Variants in SLC2A9 observed in about 807,000 individuals in gnomAD.
SLC2A9 encodes the protein solute carrier family 2 member 9, also known as solute carrier family 2, facilitated glucose transporter member 9.
SLC2A9 carries 39 observed loss-of-function variants against 50.6 expected under a neutral mutation model. That is an observed-to-expected ratio of 0.77 (90% CI 0.60 to 1.01). The LOEUF is 1.01. SLC2A9 is among the 50% of genes least tolerant of loss of function. The probability of loss-of-function intolerance (pLI) is 0.00; values close to 1 mark genes in which losing one functional copy is unlikely to be tolerated. For missense variants in SLC2A9, 686 were observed against 677.6 expected (o/e 1.01, Z -0.14); for synonymous variants, 324 against 276.9 (o/e 1.17, Z -1.69).
intron 10 of SLC2A9, among the ~76,000 whole-genome samples, chr4:9,835,392 AGCAT>A (rs1398825547): frequency 6.6e-5 from 10 of 152,116 alleles, no homozygotes; most frequent in African/African-American, 2.4e-4. Context: ...CCTAGGGCTC[AGCAT>A]GACTGCTGGG....
At chr4:9,925,877 T>A (rs537977745) in intron 6 of SLC2A9, among the ~76,000 whole-genome samples, 1 of 152,226 alleles carries the variant, frequency 6.6e-6, no homozygotes, top group South Asian at 2.1e-4. Flanking sequence ...ATCTGTTCGG[T>A]GTTCTCCCTA....
intron 8 of SLC2A9, 57 bp downstream of exon 8, chr4:9,908,178 C>A: frequency 6.0e-6 from 7 of 1,167,932 alleles, no homozygotes; most frequent in Non-Finnish European, 7.8e-6. Flanking sequence ...ATGAACATTC[C>A]CACTGTGCTG....
chr4:9,797,014 A>T (rs1004103220), downstream of SLC2A9, among the ~76,000 whole-genome samples: 1 of 152,186 alleles, frequency 6.6e-6, no homozygotes, highest in Non-Finnish European at 1.5e-5. Flanking sequence ...ATAATACAAT[A>T]CTATGATCTA....
At chr4:10,027,859 C>A (rs550849504) in intron 1 of SLC2A9, among the ~76,000 whole-genome samples, 2 of 152,290 alleles carry the variant, frequency 1.3e-5, no homozygotes, top group South Asian at 4.1e-4. Flanking sequence ...CATTCAAATT[C>A]TCCTCTTGTA....
chr4:10,001,826 C>T (rs59707854), intron 2 of SLC2A9, among the ~76,000 whole-genome samples: 4,699 of 152,324 alleles, frequency 0.031, 250 homozygotes, highest in African/African-American at 0.11. Flanking sequence ...GCATCAGAAG[C>T]CCTCTTCCCG....
downstream of SLC2A9, among the ~76,000 whole-genome samples, chr4:9,794,157 TGTG>T (rs1560122847): frequency 2.0e-5 from 3 of 150,008 alleles, no homozygotes; most frequent in Admixed American, 6.7e-5. Flanking sequence ...TCCTTTTTTT[TGTG>T]TGTGTGATAT....
intron 10 of SLC2A9, among the ~76,000 whole-genome samples, chr4:9,836,657 G>C (rs955003689): frequency 6.6e-6 from 1 of 152,246 alleles, no homozygotes; most frequent in Non-Finnish European, 1.5e-5. Context: ...AGATCATGGA[G>C]AGGGGTTTGC....
At chr4:10,032,736 C>T (rs902966269) in intron 1 of SLC2A9, among the ~76,000 whole-genome samples, 1 of 152,130 alleles carries the variant, frequency 6.6e-6, no homozygotes, top group Non-Finnish European at 1.5e-5. Flanking sequence ...CTGTCATTAC[C>T]CAGCCCGTGC....
chr4:10,025,845 C>A (rs1040706703), upstream of SLC2A9: 202 of 1,542,752 alleles, frequency 1.3e-4, no homozygotes, highest in Non-Finnish European at 1.7e-4. Context: ...GAAAGGGGTA[C>A]TACCCCCTGG....
intron 7 of SLC2A9, 23 bp from the exon 8 acceptor site, chr4:9,908,368 CA>C (rs1741076889): frequency 1.3e-6 from 2 of 1,500,656 alleles, no homozygotes; most frequent in Admixed American, 3.3e-5. Context: ...AAAGAATGAG[CA>C]GAGAGAATGG....
At chr4:9,952,479 C>A (rs1421800627) in intron 5 of SLC2A9, among the ~76,000 whole-genome samples, 2 of 152,140 alleles carry the variant, frequency 1.3e-5, no homozygotes, top group South Asian at 2.1e-4. Context: ...GTCTGCAGAA[C>A]CATGAGCCAA....
chr4:9,807,145 A>G (rs1722232391), intron 3 of SLC2A9, among the ~76,000 whole-genome samples: 1 of 152,134 alleles, frequency 6.6e-6, no homozygotes, highest in Non-Finnish European at 1.5e-5. Flanking sequence ...TATGGAAAAG[A>G]GGGGCTGACA....
downstream of SLC2A9, among the ~76,000 whole-genome samples, chr4:9,776,726 G>T (rs1232343508): frequency 6.6e-6 from 1 of 152,152 alleles, no homozygotes; most frequent in Non-Finnish European, 1.5e-5. Context: ...TGTCATCCCT[G>T]AAGCCTCCGA....
At chr4:9,781,775 G>A (rs1718419062) in intron 3 of SLC2A9, 2 of 404,034 alleles carry the variant, frequency 5.0e-6, no homozygotes, top group African/African-American at 2.1e-5. Context: ...GGCTGTCAGC[G>A]AGCACCAGCC....
chr4:10,016,694 T>C (rs897178526), intron 2 of SLC2A9, among the ~76,000 whole-genome samples: 1 of 152,098 alleles, frequency 6.6e-6, no homozygotes, highest in Non-Finnish European at 1.5e-5. Context: ...GTTGTTTTTC[T>C]AAAAAACAGT....
At chr4:9,964,195 T>C (rs1752715923) in intron 5 of SLC2A9, among the ~76,000 whole-genome samples, 1 of 152,244 alleles carries the variant, frequency 6.6e-6, no homozygotes, top group Admixed American at 6.5e-5. Context: ...TCTGAAATTA[T>C]ACATGTCGTG....
chr4:9,843,681 A>C (rs977480852), intron 10 of SLC2A9, among the ~76,000 whole-genome samples: 3 of 152,218 alleles, frequency 2.0e-5, no homozygotes, highest in Non-Finnish European at 4.4e-5. Context: ...TTATGGGGTC[A>C]TTGCAAAGCT....
intron 10 of SLC2A9, among the ~76,000 whole-genome samples, chr4:9,862,725 A>G (rs1409975488): frequency 6.6e-6 from 1 of 151,894 alleles, no homozygotes; most frequent in Admixed American, 6.5e-5. Context: ...CTTCCTGTCC[A>G]TATCACAAAA....
Position 9,834,918 on chromosome 4 carries a change from G to A in SLC2A9, c.1382C>T (p.Ser461Phe), listed in dbSNP as rs1577448195. 1 of 1,614,144 alleles carries A rather than the reference G, an allele frequency of 6.2e-7. No homozygotes were observed. Among genetic ancestry groups the A allele is most frequent in the Non-Finnish European group, 8.5e-7 (1 of 1,180,018 alleles). The change falls in exon 11 of 12, where the codon TCC becomes TTC. Residue 461 changes from serine (S) to phenylalanine (F), a missense_variant. Ser to Phe is a radical substitution (Grantham distance 155, BLOSUM62 -2). Coordinates refer to ENST00000264784, the MANE Select transcript of SLC2A9 (RefSeq NM_020041.3). ...GAAGAGGAGCCCAACAGCAAAGTTGGAGAGCCAGTTGACGGTGCCTGCAAT... is the reference window on the plus strand; with the variant it reads ...GAAGAGGAGCCCAACAGCAAAGTTGAAGAGCCAGTTGACGGTGCCTGCAAT... ...FIIAGTVNWLSNFAVGLLFPF... is the reference protein window; with the variant it reads ...FIIAGTVNWLFNFAVGLLFPF...
Sources: gnomAD v4.1 joint callset for allele counts (sites outside exome capture counted in the v4.1 genomes callset) on GRCh38, gnomAD v4.1.1 for gene constraint, MANE v1.5 for transcripts, NCBI Gene and HGNC (gene_info 2026-07-23, HGNC 2026-07-21) for gene names.